DIAPH3: variants seen among roughly 807,000 people sequenced by gnomAD.
DIAPH3 encodes protein diaphanous homolog 3.
In DIAPH3, 117 loss-of-function variants were observed where a neutral mutation model predicts 144.3. The observed-to-expected ratio is 0.81, with a 90% CI of 0.70 to 0.95. The LOEUF is 0.95. Ranked by LOEUF, DIAPH3 falls within the 40% of genes least tolerant of loss-of-function variation. DIAPH3 has a pLI of 0.00. For missense variants in DIAPH3, 1,421 were observed against 1,412.7 expected (o/e 1.01, Z -0.09); for synonymous variants, 519 against 488.9 (o/e 1.06, Z -0.81).
At chr13:59,960,760 C>T (rs1226932665) in intron 17 of DIAPH3, among the ~76,000 whole-genome samples, 1 of 151,958 alleles carries the variant, frequency 6.6e-6, no homozygotes, top group Non-Finnish European at 1.5e-5. Context: ...AAAACTGAAT[C>T]ACAACAAGAA....
chr13:59,893,636 G>C (rs934178987), intron 20 of DIAPH3, among the ~76,000 whole-genome samples: 1 of 151,946 alleles, frequency 6.6e-6, no homozygotes, highest in Admixed American at 6.6e-5. Context: ...GTCTTCTAGG[G>C]AGGCAGGGTC....
At position 59,666,474 on chromosome 13, in the gene DIAPH3, A is replaced by G; in HGVS notation, c.*110T>C. 8.1e-7 allele frequency: 1 copy of G among 1,239,280 alleles called. No individual in the cohort carries two copies. The highest frequency in any genetic ancestry group is 1.1e-6 in the Non-Finnish European group (1 of 897,474). The allele number at this position is 1,239,280 out of a possible 1,614,324, so 76.8% of individuals were successfully genotyped here. The stretch of plus-strand genomic sequence containing the variant: ...GCTTTATTTTTCTAATATATATCAT[A>G]ATTTAAAACTATATAAAGTCACTTA... On this transcript the variant is annotated 3_prime_UTR_variant, in exon 28 of 28. Transcript: ENST00000400324.
At chr13:59,935,728 C>T (rs2048232827) in intron 17 of DIAPH3, among the ~76,000 whole-genome samples, 1 of 152,050 alleles carries the variant, frequency 6.6e-6, no homozygotes, top group African/African-American at 2.4e-5. Flanking sequence ...TGGGTGTGTA[C>T]CTAACTACAT....
chr13:59,772,704 A>T (rs889698441), intron 27 of DIAPH3, among the ~76,000 whole-genome samples: 1 of 152,082 alleles, frequency 6.6e-6, no homozygotes, highest in Non-Finnish European at 1.5e-5. Flanking sequence ...AAAAATATAT[A>T]TTTTAAATTA....
intron 1 of DIAPH3, among the ~76,000 whole-genome samples, chr13:60,150,886 C>CCTTT (rs1316309450): frequency 6.6e-6 from 1 of 152,150 alleles, no homozygotes; most frequent in Non-Finnish European, 1.5e-5. Context: ...TCCATGGTTA[C>CCTTT]TTTTGTGGAG....
At chr13:60,151,656 A>G (rs959162897) in intron 1 of DIAPH3, among the ~76,000 whole-genome samples, 1 of 152,220 alleles carries the variant, frequency 6.6e-6, no homozygotes, top group African/African-American at 2.4e-5. Flanking sequence ...GCACAAGTCT[A>G]TACCAGGCAC....
intron 11 of DIAPH3, among the ~76,000 whole-genome samples, 181 bp from the exon 12 acceptor site, chr13:59,991,455 C>G (rs536884977): frequency 6.6e-6 from 1 of 152,048 alleles, no homozygotes; most frequent in Non-Finnish European, 1.5e-5. Context: ...GTGACTTAAC[C>G]TGACACTTCC....
intron 25 of DIAPH3, among the ~76,000 whole-genome samples, chr13:59,786,416 TAATATA>T (rs1406744820): frequency 2.0e-5 from 3 of 152,152 alleles, no homozygotes; most frequent in Admixed American, 1.3e-4. Flanking sequence ...GGAAAAATGG[TAATATA>T]AATATACTAT....
At chr13:59,696,764 T>C (rs1460472804) in intron 27 of DIAPH3, among the ~76,000 whole-genome samples, 1 of 152,172 alleles carries the variant, frequency 6.6e-6, no homozygotes, top group African/African-American at 2.4e-5. Flanking sequence ...GTTTTTCTTA[T>C]TTGTATGTGT....
intron 17 of DIAPH3, among the ~76,000 whole-genome samples, chr13:59,930,780 G>A (rs926259440): frequency 6.6e-6 from 1 of 152,154 alleles, no homozygotes; most frequent in African/African-American, 2.4e-5. Flanking sequence ...TAGAAGAATG[G>A]CAAAAATTAC....
chr13:59,839,954 T>A (rs2042249291), intron 22 of DIAPH3, among the ~76,000 whole-genome samples: 1 of 152,184 alleles, frequency 6.6e-6, no homozygotes, highest in Non-Finnish European at 1.5e-5. Context: ...TCAAGCTTTC[T>A]TTGCTGATAT....
At chr13:60,112,862 T>C (rs1231309026) in intron 2 of DIAPH3, among the ~76,000 whole-genome samples, 3 of 152,200 alleles carry the variant, frequency 2.0e-5, no homozygotes, top group Non-Finnish European at 2.9e-5. Context: ...AGCATAGATA[T>C]TAGTTTACAA....
Position 59,924,784 on chromosome 13 carries a change from G to T in DIAPH3, c.2161C>A (p.Gln721Lys). 1 of 1,601,122 alleles carries T rather than the reference G, an allele frequency of 6.2e-7. No individual in the cohort carries two copies. Among genetic ancestry groups the T allele is most frequent in the Non-Finnish European group, 8.5e-7 (1 of 1,171,208 alleles). ...GGAATATGATACTTACAAAGGTTCTGGGCAATTTTAGAATCTAAAAACTTA... is the reference window on the plus strand; with the variant it reads ...GGAATATGATACTTACAAAGGTTCTTGGCAATTTTAGAATCTAAAAACTTA... ...ELKFLDSKIA[Q>K]NLSIFLSSFR... Residue 721 changes from glutamine to lysine, a missense_variant, in exon 18 of 28, where the codon CAG (glutamine) becomes AAG (lysine). Coordinates refer to ENST00000400324, the MANE Select transcript of DIAPH3 (RefSeq NM_001042517.2).
At chr13:59,864,253 G>A (rs917372852) in intron 21 of DIAPH3, among the ~76,000 whole-genome samples, 6 of 151,998 alleles carry the variant, frequency 3.9e-5, no homozygotes, top group African/African-American at 1.2e-4. Flanking sequence ...ATTAAAAGCA[G>A]CAAACTTTTA....
chr13:59,777,230 CAAAG>C (rs2038467730), intron 25 of DIAPH3, among the ~76,000 whole-genome samples: 1 of 152,056 alleles, frequency 6.6e-6, no homozygotes, highest in Non-Finnish European at 1.5e-5. Context: ...GTTGAAAAGA[CAAAG>C]AAGCCAGATT....
intron 17 of DIAPH3, among the ~76,000 whole-genome samples, chr13:59,942,174 C>CT (rs1315511708): frequency 6.6e-6 from 1 of 152,148 alleles, no homozygotes. Flanking sequence ...ATGAGTGTCC[C>CT]TTTTGATCAC....
rs141938440 is a variant in DIAPH3, at chr13:59,732,727, G to A, written c.3319+41462C>T. On this transcript the variant is annotated intron_variant, in intron 27 of 27. Transcript: ENST00000400324. ...CAAAGTGCTGGGATTATGGGATTAC[G>A]GGTGTGAGTCACTGTGCTGGCCTGA... Among the ~76,000 whole-genome samples the A allele has an allele frequency of 1.8e-3, 269 of 152,192 alleles. 1 individual carries two copies. Among genetic ancestry groups the A allele is most frequent in the East Asian group, 0.012 (62 of 5,178 alleles).
In DIAPH3 at chr13:60,094,176, T is replaced by C. The variant is rs554055071; in HGVS notation, c.391-444A>G. On this transcript the variant is annotated intron_variant, in intron 3 of 27. Coordinates refer to ENST00000400324, the MANE Select transcript of DIAPH3 (RefSeq NM_001042517.2). ...AAACCAACCAATTTTCAGATTCTGA[T>C]AGCCACATCAAATATCCAGTACTGG... is the stretch of plus-strand genomic sequence containing the variant. Among the ~76,000 whole-genome samples the C allele has an allele frequency of 5.9e-5, 9 of 152,318 alleles. No individual in the cohort carries two copies. The East Asian group carries it at 1.7e-3, about 29-fold the overall frequency.
At chr13:59,684,686 C>T (rs1223286127) in intron 27 of DIAPH3, among the ~76,000 whole-genome samples, 1 of 152,166 alleles carries the variant, frequency 6.6e-6, no homozygotes, top group Non-Finnish European at 1.5e-5. Context: ...AGATCAGTAA[C>T]AGACACTAAC....
Sources: gnomAD v4.1 joint callset for allele counts (sites outside exome capture counted in the v4.1 genomes callset) on GRCh38, gnomAD v4.1.1 for gene constraint, MANE v1.5 for transcripts, NCBI Gene and HGNC (gene_info 2026-07-23, HGNC 2026-07-21) for gene names.